Variants in TBC1D4 observed in about 807,000 individuals in gnomAD.
TBC1D4 encodes TBC1 domain family member 4.
A neutral mutation model predicts 142.5 loss-of-function variants in TBC1D4; 121 were observed. The observed-to-expected ratio is 0.85, with a 90% CI of 0.73 to 0.99. The LOEUF (loss-of-function observed/expected upper bound fraction) is 0.99. Among genes scored for constraint, TBC1D4 ranks in the 50% least tolerant of loss-of-function variants. The pLI is 0.00. For synonymous variants in TBC1D4, 630 were observed against 628.2 expected, an observed-to-expected ratio of 1.00 and a Z score of -0.04; for missense variants, 1,475 against 1,606.6, an observed-to-expected ratio of 0.92 and a Z score of 1.40.
At chr13:75,451,886 C>A (rs1257337063) in intron 1 of TBC1D4, among the ~76,000 whole-genome samples, 1 of 151,718 alleles carries the variant, frequency 6.6e-6, no homozygotes, top group African/African-American at 2.4e-5. Flanking sequence ...TGTTTTGACA[C>A]TTGGCTGTTT....
At position 75,306,330 on chromosome 13, in the gene TBC1D4, T is replaced by G. The variant is rs756002956; in HGVS notation, c.2735A>C (p.His912Pro). ...AKIRCDMEDI[H>P]TLLKEGVPKS... ...CCAAATACCTTCTTTAAGAAGAGTATGAATATCTTCCATATCACATCTGAT... is the reference window on the plus strand; with the variant it reads ...CCAAATACCTTCTTTAAGAAGAGTAGGAATATCTTCCATATCACATCTGAT... The change falls in exon 15 of 21, where the codon CAT (histidine) becomes CCT (proline). Residue 912 changes from histidine to proline, a missense_variant. By Grantham distance (77) the His-to-Pro change is moderately conservative. This residue lies in a region of TBC1D4 where 1,227 missense variants were observed against 1,267.7 expected (regional missense o/e 0.97). Coordinates refer to ENST00000377636, the MANE Select transcript of TBC1D4 (RefSeq NM_014832.5). 2.5e-6 allele frequency: 4 copies of G among 1,611,842 alleles called. No homozygotes were observed. Among genetic ancestry groups the G allele is most frequent in the African/African-American group, 2.7e-5 (2 of 74,896 alleles).
At chr13:75,450,177 T>C (rs1386301085) in intron 1 of TBC1D4, among the ~76,000 whole-genome samples, 1 of 152,230 alleles carries the variant, frequency 6.6e-6, no homozygotes, top group African/African-American at 2.4e-5. Context: ...TTATTAAACC[T>C]GTATTTATTG....
chr13:75,430,283 A>C (rs1566484986), intron 1 of TBC1D4, among the ~76,000 whole-genome samples: 1 of 152,226 alleles, frequency 6.6e-6, no homozygotes, highest in Non-Finnish European at 1.5e-5. Flanking sequence ...CTCACTGTGA[A>C]ATATACATCG....
chr13:75,352,229 A>C (rs1881659794), intron 4 of TBC1D4, among the ~76,000 whole-genome samples: 1 of 152,188 alleles, frequency 6.6e-6, no homozygotes, highest in African/African-American at 2.4e-5. Context: ...GTAAATTTAC[A>C]AATATACTCA....
At chr13:75,368,765 G>A (rs756834941) in intron 1 of TBC1D4, among the ~76,000 whole-genome samples, 7 of 152,176 alleles carry the variant, frequency 4.6e-5, no homozygotes, top group Non-Finnish European at 1.0e-4. Flanking sequence ...GAGGCCGGGC[G>A]TAGTGGGTCA....
intron 1 of TBC1D4, among the ~76,000 whole-genome samples, chr13:75,447,500 A>ATGTGTATG (rs1887336997): frequency 6.9e-6 from 1 of 145,246 alleles, no homozygotes; most frequent in African/African-American, 2.6e-5. Context: ...CATAGTGTGA[A>ATGTGTATG]TGTGTGTGTG....
At position 75,306,349 on chromosome 13, in the gene TBC1D4, A is replaced by G; in HGVS notation, c.2716T>C (p.Cys906Arg). ...AGAGTATGAATATCTTCCATATCAC[A>G]TCTGATTTTAGCTCTGCAGTTTAAC... The part of the protein sequence containing the change: ...KLLNCRAKIR[C>R]DMEDIHTLLK... The change falls in exon 15 of 21, where the codon TGT (cysteine) becomes CGT (arginine). Residue 906 changes from cysteine (C) to arginine (R), a missense_variant. By Grantham distance (180) the Cys-to-Arg change is radical. Coordinates refer to ENST00000377636, the MANE Select transcript of TBC1D4 (RefSeq NM_014832.5). 6.2e-7 allele frequency: 1 copy of G among 1,612,718 alleles called. No homozygotes were observed. The highest frequency in any genetic ancestry group is 8.5e-7 in the Non-Finnish European group (1 of 1,179,720).
At chr13:75,474,384 C>G (rs1373292702) in intron 1 of TBC1D4, among the ~76,000 whole-genome samples, 1 of 152,132 alleles carries the variant, frequency 6.6e-6, no homozygotes, top group Non-Finnish European at 1.5e-5. Context: ...ACGGTGAAAC[C>G]CCGTCTCTAC....
intron 1 of TBC1D4, among the ~76,000 whole-genome samples, chr13:75,464,151 A>G (rs1424070819): frequency 6.6e-6 from 1 of 152,240 alleles, no homozygotes; most frequent in Non-Finnish European, 1.5e-5. Flanking sequence ...GCAACAACCA[A>G]TTAGAAAACT....
intron 1 of TBC1D4, among the ~76,000 whole-genome samples, chr13:75,408,522 A>G (rs1388271080): frequency 6.6e-6 from 1 of 152,228 alleles, no homozygotes; most frequent in Non-Finnish European, 1.5e-5. Flanking sequence ...GTAACCATCA[A>G]CCAAATAGTG....
intron 9 of TBC1D4, among the ~76,000 whole-genome samples, chr13:75,326,945 TAA>T (rs917481197): frequency 1.5e-4 from 23 of 152,198 alleles, no homozygotes; most frequent in African/African-American, 4.3e-4. Context: ...TTCCGGAAAA[TAA>T]AGTCTGTTAA....
At chr13:75,305,614 T>C (rs1209566919) in intron 15 of TBC1D4, among the ~76,000 whole-genome samples, 2 of 152,238 alleles carry the variant, frequency 1.3e-5, no homozygotes, top group Non-Finnish European at 2.9e-5. Flanking sequence ...GCATAGGCTT[T>C]TAAAACAACA....
Position 75,284,877 on chromosome 13 carries a change from A to C in TBC1D4, c.*1915T>G, listed in dbSNP as rs1874531713. On this transcript the variant is annotated 3_prime_UTR_variant, in exon 21 of 21. Coordinates refer to ENST00000377636, the MANE Select transcript of TBC1D4 (RefSeq NM_014832.5). The stretch of plus-strand genomic sequence containing the variant: ...ATAACTCTTAATGTTGATTCTAAAC[A>C]TCCAGGATAAAGTTTACTTTAAACT... The C allele has an allele frequency of 1.3e-5, 2 of 152,246 alleles. No homozygotes were observed. Among genetic ancestry groups the C allele is most frequent in the South Asian group, 2.1e-4 (1 of 4,832 alleles). 9.4% of individuals were successfully genotyped at this position (152,246 alleles called of 1,614,324 possible).
intron 1 of TBC1D4, among the ~76,000 whole-genome samples, chr13:75,462,879 C>G (rs1228629868): frequency 6.6e-6 from 1 of 152,028 alleles, no homozygotes; most frequent in Non-Finnish European, 1.5e-5. Flanking sequence ...GTCCTAGACT[C>G]ATGTCCTCTT....
chr13:75,322,288 T>C (rs772914989), intron 11 of TBC1D4, among the ~76,000 whole-genome samples: 7 of 152,198 alleles, frequency 4.6e-5, no homozygotes, highest in Non-Finnish European at 8.8e-5. Flanking sequence ...CATTAAAACA[T>C]ACAGAAAACA....
rs1879397038 is a variant in TBC1D4, at chr13:75,327,772, T to C, written c.1786A>G (p.Asn596Asp). ...LGSVDSFERS[N>D]SLASEKDYSP... The stretch of plus-strand genomic sequence containing the variant: ...GATACCTTCTCTGAAGCAAGACTGT[T>C]GGACCGTTCAAAACTGTCCACACTT... The change falls in exon 9 of 21, where the codon AAC becomes GAC. Residue 596 changes from asparagine to aspartate, a missense_variant. Asn to Asp is a conservative substitution (Grantham distance 23). Transcript: ENST00000377636. 6.2e-7 allele frequency: 1 copy of C among 1,614,034 alleles called. No individual in the cohort carries two copies. Among genetic ancestry groups the C allele is most frequent in the Middle Eastern group, 1.7e-4 (1 of 6,060 alleles).
intron 1 of TBC1D4, among the ~76,000 whole-genome samples, chr13:75,429,552 G>A (rs1010185595): frequency 6.6e-6 from 1 of 151,976 alleles, no homozygotes; most frequent in Non-Finnish European, 1.5e-5. Context: ...CATTTATATT[G>A]TTGTCATAAA....
intron 1 of TBC1D4, among the ~76,000 whole-genome samples, chr13:75,411,725 A>G (rs4463970): frequency 0.023 from 3,435 of 151,128 alleles, 128 homozygotes; most frequent in African/African-American, 0.079. Context: ...TTTGGTAGAG[A>G]CAGGGTTTCA....
At position 75,286,530 on chromosome 13, in the gene TBC1D4, T is replaced by C. The variant is rs1308341536; in HGVS notation, c.*262A>G. On this transcript the variant is annotated 3_prime_UTR_variant, in exon 21 of 21. Coordinates refer to ENST00000377636, the MANE Select transcript of TBC1D4 (RefSeq NM_014832.5). ...AATCTAAATATACATCTACTCATTT[T>C]ATCTGAAAGCATGAACTATGTTCAT... 7 of 348,696 alleles carry C rather than the reference T, an allele frequency of 2.0e-5. No homozygotes were observed. Among genetic ancestry groups the C allele is most frequent in the Non-Finnish European group, 2.6e-5 (5 of 192,906 alleles). 21.6% of individuals were successfully genotyped at this position (348,696 alleles called of 1,614,324 possible).
Sources: allele counts gnomAD v4.1 joint callset (sites outside exome capture counted in the v4.1 genomes callset), GRCh38; gene constraint gnomAD v4.1.1; regional missense constraint gnomAD v4.1.1; transcripts MANE v1.5; gene names NCBI Gene and HGNC (gene_info 2026-07-23, HGNC 2026-07-21).